The following SH3BGRL2 variants were observed in gnomAD, a reference collection of about 807,000 sequenced individuals.
SH3BGRL2 encodes the protein SH3 domain-binding glutamic acid-rich-like protein 2.
In SH3BGRL2, 21 loss-of-function variants were observed where a neutral mutation model predicts 14.8. The ratio of observed to expected loss-of-function variants is 1.42; its 90% CI spans 1.01 to 2.05. SH3BGRL2 has a LOEUF of 2.05. Among genes scored for constraint, SH3BGRL2 ranks in the 30% most tolerant of loss-of-function variants. SH3BGRL2 has a pLI of 0.00. For synonymous variants in SH3BGRL2, 50 were observed against 47.8 expected, an observed-to-expected ratio of 1.05 and a Z score of -0.19; for missense variants, 147 against 130.8, an observed-to-expected ratio of 1.12 and a Z score of -0.61.
At chr6:79,642,520 G>C (rs1271269913) in intron 1 of SH3BGRL2, among the ~76,000 whole-genome samples, 4 of 152,130 alleles carry the variant, frequency 2.6e-5, no homozygotes, top group Admixed American at 2.6e-4. Flanking sequence ...GGAGAGCCGG[G>C]AGAGGGGTTT....
the SH3BGRL2 span, among the ~76,000 whole-genome samples, chr6:79,565,333 T>C: frequency 6.6e-6 from 1 of 152,202 alleles, no homozygotes; most frequent in African/African-American, 2.4e-5. Flanking sequence ...AAAATGGTAC[T>C]GCATTTTATT....
the SH3BGRL2 span, among the ~76,000 whole-genome samples, chr6:79,572,439 C>A: frequency 7.1e-6 from 1 of 141,228 alleles, no homozygotes; most frequent in Non-Finnish European, 1.6e-5. Flanking sequence ...AAAATGGCAT[C>A]TATTTTTATT....
chr6:79,642,333 T>C (rs913499193), intron 1 of SH3BGRL2, among the ~76,000 whole-genome samples: 3 of 152,240 alleles, frequency 2.0e-5, no homozygotes, highest in African/African-American at 7.2e-5. Context: ...ATAGGTTATA[T>C]GCAAATACTA....
the SH3BGRL2 span, among the ~76,000 whole-genome samples, chr6:79,619,374 A>G: frequency 2.6e-5 from 4 of 152,098 alleles, no homozygotes; most frequent in Non-Finnish European, 5.9e-5. Flanking sequence ...TGGAAAATCC[A>G]TGTAGTACAT....
At chr6:79,547,661 T>C in the SH3BGRL2 span, among the ~76,000 whole-genome samples, 2 of 152,120 alleles carry the variant, frequency 1.3e-5, no homozygotes, top group African/African-American at 2.4e-5. Flanking sequence ...AGAAATGAGA[T>C]TGAAGTTTTA....
the SH3BGRL2 span, among the ~76,000 whole-genome samples, chr6:79,607,463 C>T: frequency 6.6e-6 from 1 of 152,110 alleles, no homozygotes; most frequent in Non-Finnish European, 1.5e-5. Context: ...CTTCTTTTAA[C>T]CTACAGTCCT....
chr6:79,696,959 G>A (rs1044433766), intron 3 of SH3BGRL2, among the ~76,000 whole-genome samples: 3 of 151,500 alleles, frequency 2.0e-5, no homozygotes, highest in African/African-American at 7.3e-5. Context: ...GAGAAGAGAT[G>A]GTCTATAATA....
chr6:79,679,387 T>C (rs1406295461), intron 2 of SH3BGRL2, among the ~76,000 whole-genome samples: 1 of 146,662 alleles, frequency 6.8e-6, no homozygotes, highest in Non-Finnish European at 1.5e-5. Flanking sequence ...TTTTTTTCAT[T>C]TTTTTTTTTG....
At chr6:79,629,725 A>G (rs868239737), upstream of SH3BGRL2, among the ~76,000 whole-genome samples, 22 of 152,026 alleles carry the variant, frequency 1.4e-4, no homozygotes, top group African/African-American at 5.1e-4. Context: ...CATCCACACA[A>G]CACTGTATTA....
chr6:79,622,854 A>C, the SH3BGRL2 span, among the ~76,000 whole-genome samples: 1 of 152,206 alleles, frequency 6.6e-6, no homozygotes, highest in African/African-American at 2.4e-5. Flanking sequence ...AAGTTTGATA[A>C]GTTACTGATA....
the SH3BGRL2 span, among the ~76,000 whole-genome samples, chr6:79,586,777 A>ACTG: frequency 3.3e-5 from 5 of 152,122 alleles, no homozygotes; most frequent in Non-Finnish European, 4.4e-5. Context: ...AGAGGGAGGA[A>ACTG]CTGCTGTCTT....
At chr6:79,568,482 T>G in the SH3BGRL2 span, among the ~76,000 whole-genome samples, 1 of 152,130 alleles carries the variant, frequency 6.6e-6, no homozygotes, top group African/African-American at 2.4e-5. Flanking sequence ...ACAGAATATA[T>G]AGATTGCAGT....
At chr6:79,565,153 G>A in the SH3BGRL2 span, among the ~76,000 whole-genome samples, 1 of 152,086 alleles carries the variant, frequency 6.6e-6, no homozygotes, top group East Asian at 1.9e-4. Flanking sequence ...TGGAATTAGA[G>A]AACATAGGTC....
chr6:79,643,867 C>T (rs1348396388), intron 1 of SH3BGRL2, among the ~76,000 whole-genome samples: 1 of 152,156 alleles, frequency 6.6e-6, no homozygotes, highest in Non-Finnish European at 1.5e-5. Flanking sequence ...TGTTGGATGT[C>T]CTGAAACTAA....
chr6:79,698,664 A>G (rs1187631358), intron 3 of SH3BGRL2, among the ~76,000 whole-genome samples: 3 of 152,038 alleles, frequency 2.0e-5, no homozygotes, highest in South Asian at 4.2e-4. Flanking sequence ...CCTGCAGGCC[A>G]CATTGGCCCT....
chr6:79,693,071 A>C (rs1002659601), intron 2 of SH3BGRL2, among the ~76,000 whole-genome samples: 10 of 151,492 alleles, frequency 6.6e-5, no homozygotes, highest in Non-Finnish European at 1.3e-4. Context: ...GAGGTCCTTC[A>C]CATCCCTTGT....
At position 79,696,532 on chromosome 6, in the gene SH3BGRL2, A is replaced by C; in HGVS notation, c.279A>C (p.Ser93=). 6.3e-7 allele frequency: 1 copy of C among 1,574,834 alleles called. No individual in the cohort carries two copies. Among genetic ancestry groups the C allele is most frequent in the Non-Finnish European group, 8.6e-7 (1 of 1,169,076 alleles). ...FESKESNTVF[S]FLGLKPRLAS... Reference sequence around the variant, plus strand: ...CCAAGGAAAGCAACACAGTCTTTTCATTTTTAGGCCTGAAACCACGGTTGG... The same window carrying C: ...CCAAGGAAAGCAACACAGTCTTTTCCTTTTTAGGCCTGAAACCACGGTTGG... The change falls in exon 3 of 4, where the codon TCA becomes TCC. Residue 93 remains serine, a synonymous_variant. Transcript: ENST00000369838.
intron 3 of SH3BGRL2, among the ~76,000 whole-genome samples, chr6:79,698,567 A>G (rs1043713475): frequency 1.5e-4 from 23 of 152,176 alleles, no homozygotes; most frequent in Non-Finnish European, 2.9e-5. Context: ...TCATGGGCCC[A>G]ACAGGCCCAG....
intron 3 of SH3BGRL2, among the ~76,000 whole-genome samples, chr6:79,697,858 C>T (rs569461792): frequency 6.6e-6 from 1 of 152,212 alleles, no homozygotes; most frequent in Non-Finnish European, 1.5e-5. Context: ...CAGCGGGCAT[C>T]ATTGTCTATG....
Sources: gnomAD v4.1 joint callset for allele counts (sites outside exome capture counted in the v4.1 genomes callset) on GRCh38, gnomAD v4.1.1 for gene constraint, MANE v1.5 for transcripts, NCBI Gene and HGNC (gene_info 2026-07-23, HGNC 2026-07-21) for gene names.